The following RPA2 variants were observed in gnomAD, a reference collection of about 807,000 sequenced individuals.
RPA2 encodes the protein replication protein A 32 kDa subunit.
A neutral mutation model predicts 33.4 loss-of-function variants in RPA2; 22 were observed. The ratio of observed to expected loss-of-function variants is 0.66; its 90% confidence interval spans 0.47 to 0.94. The LOEUF (loss-of-function observed/expected upper bound fraction) is 0.94, where lower values mean the gene tolerates loss of function less well. Among genes scored for constraint, RPA2 ranks in the 40% least tolerant of loss-of-function variants. The pLI, the probability that RPA2 is intolerant of heterozygous loss-of-function variation, is 0.00. For synonymous variants in RPA2, 109 were observed against 114.9 expected, an observed-to-expected ratio of 0.95 and a Z score of 0.33; for missense variants, 279 against 329.9, an observed-to-expected ratio of 0.85 and a Z score of 1.19.
chr1:27,892,426 A>T (rs1382724410), intron 8 of RPA2, among the ~76,000 whole-genome samples, 179 bp from the exon 9 acceptor site: 1 of 152,212 alleles, frequency 6.6e-6, no homozygotes, highest in Admixed American at 6.5e-5. Context: ...GTAAAATAGC[A>T]AAACAGAGCT....
chr1:27,902,923 C>T (rs2089984758), intron 4 of RPA2, among the ~76,000 whole-genome samples: 1 of 152,048 alleles, frequency 6.6e-6, no homozygotes, highest in African/African-American at 2.4e-5. Flanking sequence ...TTTAGGAATA[C>T]ATCTTATGAT....
chr1:27,910,516 A>T (rs1215209882), intron 2 of RPA2, among the ~76,000 whole-genome samples: 1 of 152,186 alleles, frequency 6.6e-6, no homozygotes, highest in African/African-American at 2.4e-5. Context: ...TTAATTTTGG[A>T]AAAACAAAAA....
chr1:27,896,783 C>T (rs1348205203), intron 6 of RPA2, among the ~76,000 whole-genome samples: 1 of 152,112 alleles, frequency 6.6e-6, no homozygotes. Flanking sequence ...CTCAGCTGTC[C>T]AGGCCAGTGG....
chr1:27,908,881 G>A (rs2090064336), intron 2 of RPA2, among the ~76,000 whole-genome samples: 1 of 152,196 alleles, frequency 6.6e-6, no homozygotes, highest in African/African-American at 2.4e-5. Flanking sequence ...GTAACATGAA[G>A]ATGAATATGA....
intron 4 of RPA2, among the ~76,000 whole-genome samples, chr1:27,897,941 A>G (rs1324653054): frequency 6.6e-6 from 1 of 152,228 alleles, no homozygotes; most frequent in Non-Finnish European, 1.5e-5. Context: ...AGCACATCAT[A>G]AAAAAGCAAA....
At chr1:27,895,300 T>C (rs2089875889) in intron 6 of RPA2, among the ~76,000 whole-genome samples, 1 of 152,098 alleles carries the variant, frequency 6.6e-6, no homozygotes, top group Non-Finnish European at 1.5e-5. Context: ...TGCGTACCTG[T>C]AATCCCAGAT....
At chr1:27,912,029 G>A (rs1327296442) in intron 2 of RPA2, among the ~76,000 whole-genome samples, 1 of 152,034 alleles carries the variant, frequency 6.6e-6, no homozygotes, top group African/African-American at 2.4e-5. Flanking sequence ...GGGAGGCAGA[G>A]GTTGCAGTGA....
upstream of RPA2, chr1:27,914,640 G>A (rs754991063): frequency 1.9e-6 from 3 of 1,613,938 alleles, no homozygotes; most frequent in Admixed American, 3.3e-5. Context: ...TGCTACGCTT[G>A]TTCCTGTCTC....
intron 8 of RPA2, 79 bp from the exon 9 acceptor site, chr1:27,892,326 T>C: frequency 1.8e-6 from 2 of 1,110,126 alleles, no homozygotes; most frequent in South Asian, 1.3e-5. Flanking sequence ...TGGCCAAATA[T>C]GCAAACTTCG....
At chr1:27,892,973 G>T (rs891875396) in intron 8 of RPA2, among the ~76,000 whole-genome samples, 3 of 152,158 alleles carry the variant, frequency 2.0e-5, no homozygotes, top group African/African-American at 7.2e-5. Flanking sequence ...TCAGGAGGCT[G>T]CTTGTCTAAG....
At position 27,894,100 on chromosome 1, in the gene RPA2, T is replaced by G; in HGVS notation, c.640A>C (p.Asn214His). The G allele has an allele frequency of 6.2e-7, 1 of 1,613,634 alleles. No homozygotes were observed. The highest frequency in any genetic ancestry group is 8.5e-7 in the Non-Finnish European group (1 of 1,179,598). ...GGTCTTGGACAAGCCTTAATCAAAT[T>G]CAACACCTGAAGATTCAAATCAGAA... is the stretch of plus-strand genomic sequence containing the variant. ...GLTVAQNQVLNLIKACPRPEG... is the reference protein window; with the variant it reads ...GLTVAQNQVLHLIKACPRPEG... The change falls in exon 8 of 9, where the codon AAT becomes CAT. Residue 214 changes from asparagine (N) to histidine (H), a missense_variant. Coordinates refer to ENST00000373912, the MANE Select transcript of RPA2 (RefSeq NM_002946.5).
chr1:27,897,630 T>C lies in RPA2; in HGVS notation c.408+3A>G, dbSNP rs2089909350. ...TTTAACTGTTATTTTATTCTGACTT[T>C]ACCTGAAAAGATCTCAGGTGGCCTG... On this transcript the variant is annotated splice_donor_region_variant and intron_variant, in intron 5 of 8. Coordinates refer to ENST00000373912, the MANE Select transcript of RPA2 (RefSeq NM_002946.5). 2 of 1,596,098 alleles carry C rather than the reference T, an allele frequency of 1.3e-6. No individual in the cohort carries two copies. The highest frequency in any genetic ancestry group is 2.3e-5 in the East Asian group (1 of 44,142).
At chr1:27,914,006 A>G in intron 2 of RPA2, 57 bp downstream of exon 2, 6 of 1,466,652 alleles carry the variant, frequency 4.1e-6, no homozygotes, top group Non-Finnish European at 4.6e-6. Context: ...TCTGTCATAG[A>G]TGACTCAGGG....
At chr1:27,899,872 A>G (rs957348239) in intron 4 of RPA2, among the ~76,000 whole-genome samples, 3 of 151,768 alleles carry the variant, frequency 2.0e-5, no homozygotes, top group African/African-American at 7.3e-5. Flanking sequence ...AGTAGAGACA[A>G]GGTTTCACCC....
intron 2 of RPA2, 56 bp downstream of exon 2, chr1:27,914,007 T>A: frequency 6.8e-7 from 1 of 1,468,792 alleles, no homozygotes; most frequent in Non-Finnish European, 9.1e-7. Context: ...CTGTCATAGA[T>A]GACTCAGGGA....
At chr1:27,895,369 C>A (rs2089877100) in intron 6 of RPA2, among the ~76,000 whole-genome samples, 1 of 152,010 alleles carries the variant, frequency 6.6e-6, no homozygotes, top group Non-Finnish European at 1.5e-5. Context: ...CTGCAGTGAG[C>A]CGAGATCACG....
chr1:27,899,033 C>A (rs1362101377), intron 4 of RPA2, among the ~76,000 whole-genome samples: 1 of 152,062 alleles, frequency 6.6e-6, no homozygotes, highest in Non-Finnish European at 1.5e-5. Flanking sequence ...CATAGTGAGA[C>A]CTCGTCTCTA....
Position 27,907,226 on chromosome 1 carries a change from A to C in RPA2, c.174T>G (p.Thr58=), listed in dbSNP as rs1051474282. The C allele has an allele frequency of 1.9e-6, 3 of 1,614,102 alleles. No homozygotes were observed. The highest frequency in any genetic ancestry group is 1.7e-6 in the Non-Finnish European group (2 of 1,179,996). ...PCTISQLLSA[T]LVDEVFRIGN... ...CAATTCTGAACACTTCATCAACCAA[A>C]GTGGCAGAAAGCAGCTGAGATATAG... The change falls in exon 3 of 9, where the codon ACT becomes ACG. Residue 58 remains threonine, a synonymous_variant. Coordinates refer to ENST00000373912, the MANE Select transcript of RPA2 (RefSeq NM_002946.5).
chr1:27,898,518 T>C (rs2089920195), intron 4 of RPA2, among the ~76,000 whole-genome samples: 1 of 151,660 alleles, frequency 6.6e-6, no homozygotes. Context: ...ATGCACACAT[T>C]ATTTATAAGA....
Sources: gnomAD v4.1 joint callset for allele counts (sites outside exome capture counted in the v4.1 genomes callset) on GRCh38, gnomAD v4.1.1 for gene constraint, MANE v1.5 for transcripts, NCBI Gene and HGNC (gene_info 2026-07-23, HGNC 2026-07-21) for gene names.